FHIT: variants seen among roughly 807,000 people sequenced by gnomAD.
FHIT encodes fragile histidine triad diadenosine triphosphatase.
Under a neutral mutation model 17.9 loss-of-function variants are expected in FHIT, and 19 were observed. The observed-to-expected ratio is 1.06, with a 90% CI of 0.74 to 1.56. FHIT has a LOEUF of 1.56. FHIT is among the 40% of genes most tolerant of loss of function. The pLI, the probability that FHIT is intolerant of heterozygous loss-of-function variation, is 0.00. For synonymous variants in FHIT, 81 were observed against 69.7 expected, an observed-to-expected ratio of 1.16 and a Z score of -0.81; for missense variants, 248 against 189.2, an observed-to-expected ratio of 1.31 and a Z score of -1.82.
chr3:60,553,350 T>G, intron 4 of FHIT: 1 of 962,762 alleles, frequency 1.0e-6, no homozygotes, highest in Non-Finnish European at 1.2e-6. Context: ...AGTGAGGACT[T>G]GTGTTTTTAC....
At chr3:60,970,445 G>C (rs1422512450) in intron 3 of FHIT, among the ~76,000 whole-genome samples, 1 of 151,864 alleles carries the variant, frequency 6.6e-6, no homozygotes, top group East Asian at 1.9e-4. Flanking sequence ...GAAGTATTTA[G>C]TGTTTTGTAT....
At chr3:61,210,849 C>G (rs1241150524) in intron 1 of FHIT, among the ~76,000 whole-genome samples, 1 of 151,790 alleles carries the variant, frequency 6.6e-6, no homozygotes, top group Admixed American at 6.6e-5. Context: ...GTGAGATGAA[C>G]CTGGTACCTC....
At chr3:59,933,162 G>A (rs1362811617) in intron 7 of FHIT, among the ~76,000 whole-genome samples, 2 of 152,168 alleles carry the variant, frequency 1.3e-5, no homozygotes, top group Admixed American at 6.5e-5. Flanking sequence ...ATGTGAATGA[G>A]GCAGGCTTTG....
At position 61,109,136 on chromosome 3, in the gene FHIT, G is replaced by A. The variant is rs151058459; in HGVS notation, c.-163-67037C>T. ...GAAGAAATGCTGTTAAGTGTATAGA[G>A]GGGAGGGGCAGAAGGCATGTATGAA... On this transcript the variant is annotated intron_variant, in intron 2 of 9. Coordinates refer to ENST00000492590, the MANE Select transcript of FHIT (RefSeq NM_002012.4). Among the ~76,000 whole-genome samples, 694 of 152,284 alleles carry A rather than the reference G, an allele frequency of 4.6e-3. 6 individuals are homozygous for A. The highest frequency in any genetic ancestry group is 0.016 in the African/African-American group (664 of 41,558).
chr3:59,913,522 C>T (rs1704984687), intron 8 of FHIT, among the ~76,000 whole-genome samples: 1 of 152,124 alleles, frequency 6.6e-6, no homozygotes, highest in African/African-American at 2.4e-5. Flanking sequence ...ACCTAGCAGA[C>T]AGTCCAGCCC....
At chr3:59,963,839 A>T (rs760292315) in intron 7 of FHIT, among the ~76,000 whole-genome samples, 6 of 152,216 alleles carry the variant, frequency 3.9e-5, no homozygotes, top group Non-Finnish European at 8.8e-5. Context: ...TAAAGTTTCC[A>T]TGGGGACATA....
intron 3 of FHIT, among the ~76,000 whole-genome samples, chr3:61,038,994 T>G (rs1346377549): frequency 1.3e-5 from 2 of 152,164 alleles, no homozygotes; most frequent in Admixed American, 1.3e-4. Flanking sequence ...TTAGATAATA[T>G]GGAAATTAAT....
chr3:59,839,755 C>T (rs1435823155), intron 8 of FHIT, among the ~76,000 whole-genome samples: 1 of 152,050 alleles, frequency 6.6e-6, no homozygotes, highest in African/African-American at 2.4e-5. Flanking sequence ...GTTTCCTTAC[C>T]AGGATTCAGA....
At chr3:60,308,579 C>CA (rs1228182354) in intron 5 of FHIT, among the ~76,000 whole-genome samples, 1 of 151,136 alleles carries the variant, frequency 6.6e-6, no homozygotes, top group African/African-American at 2.4e-5. Flanking sequence ...TGGGTCCCCC[C>CA]CCAACAATTA....
At chr3:61,083,401 T>C (rs377499286) in intron 2 of FHIT, among the ~76,000 whole-genome samples, 13 of 152,104 alleles carry the variant, frequency 8.5e-5, no homozygotes, top group African/African-American at 2.7e-4. Context: ...CCATCCTGGC[T>C]ACCACGGTGA....
chr3:59,891,209 A>G (rs1410789193), intron 8 of FHIT, among the ~76,000 whole-genome samples: 1 of 152,138 alleles, frequency 6.6e-6, no homozygotes, highest in Non-Finnish European at 1.5e-5. Context: ...TCAGTTGCCA[A>G]CTCTGGCGGG....
intron 3 of FHIT, among the ~76,000 whole-genome samples, chr3:61,037,853 T>C (rs2033332884): frequency 6.6e-6 from 1 of 152,170 alleles, no homozygotes; most frequent in South Asian, 2.1e-4. Flanking sequence ...TTTCTATTCA[T>C]TATAAGTTAC....
At chr3:60,163,891 T>G (rs916172398) in intron 5 of FHIT, among the ~76,000 whole-genome samples, 2 of 152,148 alleles carry the variant, frequency 1.3e-5, no homozygotes, top group African/African-American at 4.8e-5. Context: ...TTTCCTTATC[T>G]TCAGAGCACT....
intron 1 of FHIT, among the ~76,000 whole-genome samples, chr3:61,202,479 C>G (rs1254333694): frequency 6.7e-6 from 1 of 148,528 alleles, no homozygotes; most frequent in African/African-American, 2.5e-5. Context: ...CCCAAGTTTG[C>G]ATTTTTGACA....
chr3:59,891,108 C>T (rs1703835654), intron 8 of FHIT, among the ~76,000 whole-genome samples: 1 of 152,142 alleles, frequency 6.6e-6, no homozygotes, highest in Admixed American at 6.5e-5. Flanking sequence ...GGATATGTTC[C>T]AGCCCCTCCA....
chr3:60,458,915 A>C (rs1284222586), intron 5 of FHIT, among the ~76,000 whole-genome samples: 2 of 150,856 alleles, frequency 1.3e-5, no homozygotes, highest in Non-Finnish European at 2.9e-5. Flanking sequence ...AGCTGGGACT[A>C]CAAATGTACA....
At chr3:60,565,337 T>A (rs1048124764) in intron 4 of FHIT, among the ~76,000 whole-genome samples, 2 of 152,140 alleles carry the variant, frequency 1.3e-5, no homozygotes, top group South Asian at 2.1e-4. Context: ...GTGGGCATAC[T>A]ACCCATGCTG....
At chr3:61,147,769 A>C (rs1052348740) in intron 2 of FHIT, among the ~76,000 whole-genome samples, 72 of 152,170 alleles carry the variant, frequency 4.7e-4, no homozygotes, top group African/African-American at 1.7e-3. Flanking sequence ...AAATGAAGTA[A>C]AGATTTAGGG....
At chr3:61,213,644 C>T (rs959836314) in intron 1 of FHIT, among the ~76,000 whole-genome samples, 1 of 152,194 alleles carries the variant, frequency 6.6e-6, no homozygotes, top group African/African-American at 2.4e-5. Context: ...CTCAGCTCTG[C>T]ACCAAGCAGA....
Sources: gnomAD v4.1 joint callset for allele counts (sites outside exome capture counted in the v4.1 genomes callset) on GRCh38, gnomAD v4.1.1 for gene constraint, MANE v1.5 for transcripts, NCBI Gene and HGNC (gene_info 2026-07-23, HGNC 2026-07-21) for gene names.